The following LRRC49 variants were observed in gnomAD, a reference collection of about 807,000 sequenced individuals.
LRRC49 encodes leucine-rich repeat-containing protein 49.
Under a neutral mutation model 83.3 loss-of-function variants are expected in LRRC49, and 50 were observed. That is an observed-to-expected ratio of 0.60 (90% CI 0.48 to 0.76). The LOEUF (loss-of-function observed/expected upper bound fraction) is 0.76. Ranked by LOEUF, LRRC49 falls within the 30% of genes least tolerant of loss-of-function variation. LRRC49 has a pLI of 0.00. For missense variants in LRRC49, 704 were observed against 809.1 expected (o/e 0.87, Z 1.58); for synonymous variants, 286 against 283.3 (o/e 1.01, Z -0.10).
At chr15:71,022,175 C>T (rs924643022) in intron 14 of LRRC49, among the ~76,000 whole-genome samples, 1 of 152,108 alleles carries the variant, frequency 6.6e-6, no homozygotes, top group African/African-American at 2.4e-5. Context: ...GAGTTCAAGA[C>T]CAGCCTGTTC....
At chr15:70,987,644 G>C (rs1226705072) in intron 11 of LRRC49, among the ~76,000 whole-genome samples, 2 of 151,910 alleles carry the variant, frequency 1.3e-5, no homozygotes, top group Admixed American at 1.3e-4. Context: ...CTTCAGTTCT[G>C]CTCTGATTTT....
At chr15:70,874,307 G>A (rs1595973282) in intron 2 of LRRC49, among the ~76,000 whole-genome samples, 2 of 152,286 alleles carry the variant, frequency 1.3e-5, no homozygotes, top group Admixed American at 6.5e-5. Flanking sequence ...CTCAAAGACA[G>A]GGATTAAGAG....
chr15:70,898,063 T>C (rs1426121870), intron 3 of LRRC49, among the ~76,000 whole-genome samples: 1 of 152,166 alleles, frequency 6.6e-6, no homozygotes, highest in Non-Finnish European at 1.5e-5. Context: ...TATGGCAATA[T>C]GTACTATGCC....
At chr15:70,901,423 G>A (rs1216632100) in intron 4 of LRRC49, among the ~76,000 whole-genome samples, 1 of 151,988 alleles carries the variant, frequency 6.6e-6, no homozygotes, top group Non-Finnish European at 1.5e-5. Context: ...AATCATACCT[G>A]CCACCTTGCT....
At chr15:70,945,219 A>G (rs16955025) in intron 8 of LRRC49, among the ~76,000 whole-genome samples, 3,351 of 152,230 alleles carry the variant, frequency 0.022, 132 homozygotes, top group African/African-American at 0.076. Context: ...TCCCTATGCT[A>G]TGATCTGTAA....
intron 1 of LRRC49, chr15:70,893,203 T>C: frequency 1.7e-6 from 1 of 587,416 alleles, no homozygotes; most frequent in East Asian, 2.8e-5. Context: ...TTATTTAAAT[T>C]CCTTTGGCCA....
At chr15:71,024,499 A>G (rs997151708) in intron 14 of LRRC49, among the ~76,000 whole-genome samples, 1 of 152,088 alleles carries the variant, frequency 6.6e-6, no homozygotes, top group Admixed American at 6.5e-5. Context: ...TGGACCCCCC[A>G]CAAACCACAG....
chr15:70,870,947 T>TG (rs1431695547), intron 1 of LRRC49, among the ~76,000 whole-genome samples: 9 of 97,558 alleles, frequency 9.2e-5, no homozygotes, highest in South Asian at 3.3e-4. Context: ...CATGCTTAGT[T>TG]TTTTTTTTTT....
intron 8 of LRRC49, among the ~76,000 whole-genome samples, chr15:70,938,668 T>C (rs2035690493): frequency 6.6e-6 from 1 of 152,188 alleles, no homozygotes; most frequent in Non-Finnish European, 1.5e-5. Context: ...TAGTGATAGC[T>C]ACAGTATATA....
At chr15:71,046,359 C>A (rs1381380132) in intron 15 of LRRC49, among the ~76,000 whole-genome samples, 1 of 152,164 alleles carries the variant, frequency 6.6e-6, no homozygotes, top group African/African-American at 2.4e-5. Flanking sequence ...GCCTCGCCAG[C>A]ATCTGTTGTT....
intron 14 of LRRC49, among the ~76,000 whole-genome samples, chr15:71,036,753 C>G (rs2039532055): frequency 6.6e-6 from 1 of 152,124 alleles, no homozygotes; most frequent in Non-Finnish European, 1.5e-5. Flanking sequence ...TTCTAGCTAT[C>G]AGTAATATTG....
intron 8 of LRRC49, among the ~76,000 whole-genome samples, chr15:70,954,263 C>T (rs1201912743): frequency 6.6e-6 from 1 of 152,156 alleles, no homozygotes; most frequent in African/African-American, 2.4e-5. Flanking sequence ...TTTTGAAATT[C>T]CTGGAATTTT....
chr15:70,910,459 G>A (rs1384828468), intron 5 of LRRC49, among the ~76,000 whole-genome samples: 2 of 152,092 alleles, frequency 1.3e-5, no homozygotes, highest in Admixed American at 6.5e-5. Context: ...ACAGAGAGGT[G>A]GAAGTGGTTC....
chr15:70,880,360 G>T (rs1444597567), intron 2 of LRRC49, among the ~76,000 whole-genome samples: 1 of 152,090 alleles, frequency 6.6e-6, no homozygotes, highest in Non-Finnish European at 1.5e-5. Flanking sequence ...AAAGGTAAGC[G>T]CCAGGACAGA....
At chr15:71,001,031 T>G (rs1204364986) in intron 11 of LRRC49, among the ~76,000 whole-genome samples, 1 of 152,196 alleles carries the variant, frequency 6.6e-6, no homozygotes, top group African/African-American at 2.4e-5. Context: ...TATATACCTG[T>G]TCCTTTATGG....
intron 1 of LRRC49, among the ~76,000 whole-genome samples, chr15:70,861,884 C>T (rs560442660): frequency 4.4e-4 from 67 of 152,122 alleles, no homozygotes; most frequent in South Asian, 2.3e-3. Context: ...AAGATCACAC[C>T]ACTGCACTCC....
chr15:70,935,818 T>C (rs1031450473), intron 7 of LRRC49, among the ~76,000 whole-genome samples: 2 of 152,138 alleles, frequency 1.3e-5, no homozygotes, highest in African/African-American at 4.8e-5. Flanking sequence ...TGTCTCAGCC[T>C]CTAGGGACTG....
At chr15:71,011,971 G>A (rs1235980837) in intron 13 of LRRC49, among the ~76,000 whole-genome samples, 2 of 151,880 alleles carry the variant, frequency 1.3e-5, no homozygotes, top group African/African-American at 4.8e-5. Flanking sequence ...TTTGTTGTGG[G>A]GGCTGTCCTC....
chr15:70,884,561 A>G (rs1189316917), intron 2 of LRRC49, among the ~76,000 whole-genome samples: 1 of 152,066 alleles, frequency 6.6e-6, no homozygotes, highest in Non-Finnish European at 1.5e-5. Flanking sequence ...AAAAAGAAAG[A>G]AACTTTGTAA....
Sources: gnomAD v4.1 joint callset for allele counts (sites outside exome capture counted in the v4.1 genomes callset) on GRCh38, gnomAD v4.1.1 for gene constraint, MANE v1.5 for transcripts, NCBI Gene and HGNC (gene_info 2026-07-23, HGNC 2026-07-21) for gene names.